The following AATK variants were observed in gnomAD, a reference collection of about 807,000 sequenced individuals.
AATK encodes the protein lemur tail kinase 1, also known as serine/threonine-protein kinase LMTK1.
AATK carries 91 observed loss-of-function variants against 114.3 expected under a neutral mutation model. That is an observed-to-expected ratio of 0.80 (90% confidence interval 0.67 to 0.95). AATK has a LOEUF of 0.95. AATK is among the 40% of genes least tolerant of loss of function. The pLI, the probability that AATK is intolerant of heterozygous loss-of-function variation, is 0.00. For synonymous variants in AATK, 1,075 were observed against 916.5 expected (o/e 1.17, Z -3.12); for missense variants, 2,176 against 1,965.2 (o/e 1.11, Z -2.03).
chr17:81,164,264 A>G (rs1422910144), intron 1 of AATK, among the ~76,000 whole-genome samples: 5 of 152,146 alleles, frequency 3.3e-5, no homozygotes, highest in African/African-American at 1.2e-4. Flanking sequence ...GTTTAGCGGG[A>G]GGGCAGGAGA....
chr17:81,128,371 C>G, intron 4 of AATK, 99 bp downstream of exon 4: 1 of 1,398,350 alleles, frequency 7.2e-7, no homozygotes, highest in African/African-American at 1.5e-5. Flanking sequence ...GAAGAAGGGA[C>G]CGTCGGGGCT....
chr17:81,160,356 C>G (rs1363040620), intron 1 of AATK: 30 of 619,292 alleles, frequency 4.8e-5, no homozygotes, highest in Non-Finnish European at 5.8e-5. Context: ...CCCCAGGCCC[C>G]GGTCCCTGCG....
intron 1 of AATK, among the ~76,000 whole-genome samples, chr17:81,140,137 C>G (rs1345699285): frequency 6.6e-6 from 1 of 152,258 alleles, no homozygotes; most frequent in Non-Finnish European, 1.5e-5. Flanking sequence ...CCCAGCCTCC[C>G]GGGTAGCTGG....
chr17:81,160,516 G>A (rs989567446), intron 1 of AATK, among the ~76,000 whole-genome samples: 4 of 152,246 alleles, frequency 2.6e-5, no homozygotes, highest in Admixed American at 6.5e-5. Flanking sequence ...CCGGTCCCGC[G>A]GGCGCTTGTT....
chr17:81,134,340 G>A (rs540369005), intron 2 of AATK, 28 bp downstream of exon 2: 31 of 1,611,674 alleles, frequency 1.9e-5, no homozygotes, highest in East Asian at 8.9e-5. Context: ...GGGATCCCAC[G>A]ACAGCTCCCG....
In AATK at chr17:81,141,940, CTTCCTTCCTTCCT is replaced by C. The variant is rs1467468260; in HGVS notation, c.56-7452_56-7440del. 6.0e-5 allele frequency among the ~76,000 whole-genome samples: 8 copies of C among 132,532 alleles called. No homozygotes were observed. The East Asian group carries it at 1.5e-3, about 25-fold the overall frequency. 86.9% of individuals were successfully genotyped at this position (132,532 alleles called of 152,430 possible). A position where few individuals can be genotyped will look rare whatever the true frequency, so the allele number is the denominator to read the frequency against. On this transcript the variant is annotated intron_variant, in intron 1 of 13. Coordinates refer to ENST00000326724, the MANE Select transcript of AATK (RefSeq NM_001080395.3). The stretch of plus-strand genomic sequence containing the variant: ...CTCTCCTTCCTTCCTTCCTTCCTTC[CTTCCTTCCTTCCT>C]TTCCTTCCTTCCTTCCTTCCTTGAT...
chr17:81,140,802 C>T (rs1349165223), intron 1 of AATK, among the ~76,000 whole-genome samples: 2 of 85,020 alleles, frequency 2.4e-5, no homozygotes, highest in South Asian at 8.2e-4. Context: ...GCCGTGAGAC[C>T]GTGGGGCTGT....
Position 81,121,633 on chromosome 17 carries a change from GTC to G in AATK, c.2301_2302del (p.Glu767AspfsTer4). On this transcript the variant is annotated frameshift_variant, in exon 11 of 14. Coordinates refer to ENST00000326724, the MANE Select transcript of AATK (RefSeq NM_001080395.3). LOFTEE classifies it high-confidence loss of function. The stretch of plus-strand genomic sequence containing the variant: ...CGGGTGGTCACCCCCACTACTGGCT[GTC>G]TCTGTCCAGGAGGGTGTAACCAGGC... 1 of 1,493,012 alleles carries G rather than the reference GTC, an allele frequency of 6.7e-7. No homozygotes were observed. Among genetic ancestry groups the G allele is most frequent in the Non-Finnish European group, 8.9e-7 (1 of 1,123,832 alleles). The allele number at this position is 1,493,012 out of a possible 1,614,324, so 92.5% of individuals were successfully genotyped here.
In AATK at chr17:81,122,841, G is replaced by A. The variant is rs746498125; in HGVS notation, c.1113-18C>T. On this transcript the variant is annotated intron_variant, in intron 10 of 13. Transcript: ENST00000326724. ...CCTCGTACCTGCGAGGAGGTCCCCC[G>A]GGGGCCACGTCAGAGGCAACGCTGG... is the stretch of plus-strand genomic sequence containing the variant. The A allele has an allele frequency of 1.1e-5, 16 of 1,463,410 alleles. No individual in the cohort carries two copies. The highest frequency in any genetic ancestry group is 2.7e-5 in the South Asian group (2 of 72,904). The allele number at this position is 1,463,410 out of a possible 1,614,324, so 90.7% of individuals were successfully genotyped here. A position where few individuals can be genotyped will look rare whatever the true frequency, so the allele number is the denominator to read the frequency against.
chr17:81,137,281 C>T (rs1206689647), intron 1 of AATK, among the ~76,000 whole-genome samples: 2 of 150,550 alleles, frequency 1.3e-5, no homozygotes, highest in Admixed American at 6.6e-5. Context: ...AAAGGAATTA[C>T]TACCACCCCA....
rs762067083 is a variant in AATK, at chr17:81,122,476, G to A, written c.1460C>T (p.Ala487Val). 42 of 1,453,956 alleles carry A rather than the reference G, an allele frequency of 2.9e-5. 1 individual carries two copies. The Middle Eastern group carries it at 7.5e-4, about 26-fold the overall frequency. 90.1% of individuals were successfully genotyped at this position (1,453,956 alleles called of 1,614,324 possible). ...FEYKWEAGRG[A>V]EAFPATLSPG... ...GCTCAGCGTGGCCGGGAAGGCCTCC[G>A]CGCCGCGGCCCGCCTCCCACTTGTA... Residue 487 changes from alanine (A) to valine (V), a missense_variant, in exon 11 of 14, where the codon GCG (alanine) becomes GTG (valine). Physicochemically the swap from Ala to Val is moderately conservative, Grantham distance 64. Coordinates refer to ENST00000326724, the MANE Select transcript of AATK (RefSeq NM_001080395.3).
At chr17:81,165,777 C>T (rs1236776775) in intron 1 of AATK, 161 bp downstream of exon 1, 1 of 1,508,198 alleles carries the variant, frequency 6.6e-7, no homozygotes. Context: ...GCCTGCCCCT[C>T]CGAGATCTGG....
At chr17:81,146,366 C>A (rs1006084250) in intron 1 of AATK, among the ~76,000 whole-genome samples, 1 of 151,352 alleles carries the variant, frequency 6.6e-6, no homozygotes, top group African/African-American at 2.4e-5. Context: ...GTCCCAAAAA[C>A]AAAAACCACA....
intron 1 of AATK, among the ~76,000 whole-genome samples, chr17:81,154,322 T>C (rs553822919): frequency 6.6e-4 from 49 of 73,992 alleles, no homozygotes; most frequent in African/African-American, 1.5e-3. Flanking sequence ...TTTCTTTCTT[T>C]TTTTTTTTTT....
At chr17:81,146,201 A>C (rs191284387) in intron 1 of AATK, among the ~76,000 whole-genome samples, 1 of 151,044 alleles carries the variant, frequency 6.6e-6, no homozygotes, top group Non-Finnish European at 1.5e-5. Flanking sequence ...AAAAAAAAAA[A>C]AAAGAAAAAA....
At chr17:81,149,702 C>T (rs2061270396) in intron 1 of AATK, among the ~76,000 whole-genome samples, 1 of 152,170 alleles carries the variant, frequency 6.6e-6, no homozygotes, top group Non-Finnish European at 1.5e-5. Flanking sequence ...GAGCCTGTGC[C>T]CCCATGAGCT....
In AATK at chr17:81,119,441, G is replaced by A. The variant is rs770351918; in HGVS notation, c.4023C>T (p.Pro1341=). 18 of 1,517,678 alleles carry A rather than the reference G, an allele frequency of 1.2e-5. No individual in the cohort carries two copies. In the South Asian group the frequency reaches 1.5e-4, roughly 13 times the overall value. 94.0% of individuals were successfully genotyped at this position (1,517,678 alleles called of 1,614,324 possible). A position where few individuals can be genotyped will look rare whatever the true frequency, so the allele number is the denominator to read the frequency against. The stretch of plus-strand genomic sequence containing the variant: ...TGATGGAGAAGCGGGACGTGGGCGC[G>A]GGCGACACCGTGAAGCGCGAGAAGG... The part of the protein sequence containing the change: ...PAPFSRFTVS[P]APTSRFSITH... Residue 1341 remains proline, a synonymous_variant, in exon 13 of 14, where the codon CCC becomes CCT. Coordinates refer to ENST00000326724, the MANE Select transcript of AATK (RefSeq NM_001080395.3).
chr17:81,133,394 T>C (rs1002397827), intron 2 of AATK: 16 of 334,898 alleles, frequency 4.8e-5, no homozygotes, highest in Middle Eastern at 5.2e-4. Flanking sequence ...CAAATGGGGG[T>C]GGCGCCAGCT....
intron 12 of AATK, among the ~76,000 whole-genome samples, 162 bp from the exon 13 acceptor site, chr17:81,119,742 G>A (rs957005017): frequency 4.2e-5 from 6 of 143,206 alleles, no homozygotes; most frequent in Admixed American, 2.7e-4. Context: ...CATGCAGCAC[G>A]GACAAGGCCC....
Sources: allele counts gnomAD v4.1 joint callset (sites outside exome capture counted in the v4.1 genomes callset), GRCh38; gene constraint gnomAD v4.1.1; transcripts MANE v1.5; gene names NCBI Gene and HGNC (gene_info 2026-07-23, HGNC 2026-07-21).